PHLDB2: variants seen among roughly 807,000 people sequenced by gnomAD.
PHLDB2 encodes pleckstrin homology-like domain family B member 2.
In PHLDB2, 71 loss-of-function variants were observed where a neutral mutation model predicts 123.6. That is an observed-to-expected ratio of 0.57 (90% CI 0.47 to 0.70). PHLDB2 has a LOEUF of 0.70. PHLDB2 is among the 30% of genes least tolerant of loss of function. PHLDB2 has a pLI of 0.00. For missense variants in PHLDB2, 1,446 were observed against 1,519.5 expected (o/e 0.95, Z 0.80); for synonymous variants, 547 against 541.6 (o/e 1.01, Z -0.14).
At chr3:111,854,955 C>T (rs1477527061), upstream of PHLDB2, among the ~76,000 whole-genome samples, 1 of 152,128 alleles carries the variant, frequency 6.6e-6, no homozygotes, top group Admixed American at 6.5e-5. Flanking sequence ...TGTGAATCTG[C>T]CCATGGGCAG....
chr3:111,962,384 AT>A (rs1270953763), intron 13 of PHLDB2, 72 bp downstream of exon 13: 17 of 1,470,514 alleles, frequency 1.2e-5, no homozygotes, highest in Middle Eastern at 1.8e-4. Flanking sequence ...AAAGCCATCA[AT>A]TTGGGAACTG....
At chr3:111,859,776 G>A in intron 1 of PHLDB2, 200 bp downstream of exon 1, 1 of 985,554 alleles carries the variant, frequency 1.0e-6, no homozygotes, top group Non-Finnish European at 1.2e-6. Context: ...AGTCAGGAGG[G>A]GCCGGCGGGC....
chr3:111,829,969 C>G (rs946114033), intron 1 of PHLDB2, among the ~76,000 whole-genome samples: 5 of 122,970 alleles, frequency 4.1e-5, no homozygotes, highest in Non-Finnish European at 6.2e-5. Context: ...CACACACACA[C>G]ACAGCAAAAC....
chr3:111,872,064 A>G (rs1381692819), intron 1 of PHLDB2, among the ~76,000 whole-genome samples: 6 of 152,210 alleles, frequency 3.9e-5, no homozygotes, highest in African/African-American at 1.4e-4. Context: ...TAATTTATGG[A>G]TTGGAAAGTA....
At chr3:111,750,086 G>GCT (rs2059743992) in intron 1 of PHLDB2, among the ~76,000 whole-genome samples, 5 of 152,308 alleles carry the variant, frequency 3.3e-5, no homozygotes, top group Admixed American at 2.6e-4. Context: ...AAAGGATTAA[G>GCT]GGGTTATATG....
intron 2 of PHLDB2, among the ~76,000 whole-genome samples, chr3:111,900,107 A>G (rs1031177943): frequency 3.9e-5 from 6 of 152,226 alleles, no homozygotes; most frequent in Non-Finnish European, 8.8e-5. Flanking sequence ...TTTAGCCTTC[A>G]TAGAACTGAA....
intron 1 of PHLDB2, among the ~76,000 whole-genome samples, chr3:111,822,706 C>T (rs1036368939): frequency 2.0e-5 from 3 of 152,164 alleles, no homozygotes; most frequent in African/African-American, 7.2e-5. Context: ...ATTAAGCTAA[C>T]AACGTGAGCT....
At chr3:111,783,633 T>G (rs780189969) in intron 1 of PHLDB2, among the ~76,000 whole-genome samples, 2 of 152,042 alleles carry the variant, frequency 1.3e-5, no homozygotes, top group Non-Finnish European at 2.9e-5. Flanking sequence ...AAGATAAACA[T>G]TAATAACTAT....
At chr3:111,937,834 G>A (rs1242886141) in intron 6 of PHLDB2, among the ~76,000 whole-genome samples, 6 of 148,584 alleles carry the variant, frequency 4.0e-5, no homozygotes, top group African/African-American at 7.4e-5. Flanking sequence ...AAACATACGC[G>A]ATTTATAAAT....
At chr3:111,736,538 A>G (rs549681405) in intron 1 of PHLDB2, among the ~76,000 whole-genome samples, 1 of 152,120 alleles carries the variant, frequency 6.6e-6, no homozygotes, top group East Asian at 1.9e-4. Context: ...TGGGACTCCA[A>G]ATTTTTTGTT....
chr3:111,925,438 C>T (rs536708928), intron 5 of PHLDB2, among the ~76,000 whole-genome samples: 3 of 152,224 alleles, frequency 2.0e-5, no homozygotes, highest in East Asian at 1.9e-4. Context: ...TGCCACCTGC[C>T]GGTTGTGTTC....
At chr3:111,795,814 T>C (rs1158765055) in intron 1 of PHLDB2, among the ~76,000 whole-genome samples, 5 of 152,062 alleles carry the variant, frequency 3.3e-5, no homozygotes, top group African/African-American at 1.2e-4. Flanking sequence ...AACCTCCGCT[T>C]CCCGGGATCA....
intron 2 of PHLDB2, among the ~76,000 whole-genome samples, chr3:111,907,800 C>G (rs367758821): frequency 2.0e-4 from 31 of 152,036 alleles, no homozygotes; most frequent in East Asian, 1.4e-3. Context: ...CTATTTTTTT[C>G]TGTTTTGTTT....
intron 1 of PHLDB2, among the ~76,000 whole-genome samples, chr3:111,801,400 C>T (rs1017478038): frequency 6.6e-5 from 10 of 152,102 alleles, no homozygotes; most frequent in Non-Finnish European, 1.2e-4. Flanking sequence ...ACAAAGACCT[C>T]AAAATTTTAA....
intron 1 of PHLDB2, among the ~76,000 whole-genome samples, chr3:111,834,596 C>G (rs1343244848): frequency 2.0e-5 from 3 of 151,892 alleles, no homozygotes; most frequent in East Asian, 1.9e-4. Context: ...GTAAATATCT[C>G]TGACATATAA....
At chr3:111,806,999 G>A (rs2061617690) in intron 1 of PHLDB2, among the ~76,000 whole-genome samples, 1 of 151,580 alleles carries the variant, frequency 6.6e-6, no homozygotes, top group African/African-American at 2.4e-5. Flanking sequence ...ATTAGTTGCA[G>A]GTCCAGAGCA....
chr3:111,885,071 C>T lies in PHLDB2; in HGVS notation c.994C>T (p.Pro332Ser), dbSNP rs778372340. The T allele has an allele frequency of 3.1e-6, 5 of 1,614,134 alleles. No individual in the cohort carries two copies. The highest frequency in any genetic ancestry group is 1.7e-6 in the Non-Finnish European group (2 of 1,180,014). Residue 332 changes from proline (P) to serine (S), a missense_variant, in exon 2 of 18, where the codon CCT becomes TCT. Pro to Ser is a moderately conservative substitution (Grantham distance 74). Coordinates refer to ENST00000431670, the MANE Select transcript of PHLDB2 (RefSeq NM_001134438.2). ...TTATGTAAGTTCTACCCTCAGTGTC[C>T]CTGCCAGTCCACGAGTGGCTCGGAA... ...NPYVSSTLSV[P>S]ASPRVARKML...
In PHLDB2 at chr3:111,976,383, T is replaced by G. The variant is rs1443085461; in HGVS notation, c.*1820T>G. ...TGTGTGCTAACATTATGATTTGTAG[T>G]GTATAAACTGAAGTATTCCAATAGA... is the stretch of plus-strand genomic sequence containing the variant. On this transcript the variant is annotated 3_prime_UTR_variant, in exon 18 of 18. Coordinates refer to ENST00000431670, the MANE Select transcript of PHLDB2 (RefSeq NM_001134438.2). 6.6e-6 allele frequency: 1 copy of G among 152,208 alleles called. No homozygotes were observed. The highest frequency in any genetic ancestry group is 1.5e-5 in the Non-Finnish European group (1 of 68,032). 9.4% of individuals were successfully genotyped at this position (152,208 alleles called of 1,614,324 possible).
intron 1 of PHLDB2, among the ~76,000 whole-genome samples, chr3:111,843,819 G>A (rs540315840): frequency 6.6e-6 from 1 of 152,218 alleles, no homozygotes; most frequent in African/African-American, 2.4e-5. Context: ...ATTGCTTATA[G>A]CACAAAAGTT....
Sources: gnomAD v4.1 joint callset for allele counts (sites outside exome capture counted in the v4.1 genomes callset) on GRCh38, gnomAD v4.1.1 for gene constraint, MANE v1.5 for transcripts, NCBI Gene and HGNC (gene_info 2026-07-23, HGNC 2026-07-21) for gene names.